The following NRF1 variants were observed in gnomAD, a reference collection of about 807,000 sequenced individuals.
NRF1 encodes nuclear respiratory factor 1.
In NRF1, 5 loss-of-function variants were observed where a neutral mutation model predicts 58.5. That is an observed-to-expected ratio of 0.09 (90% CI 0.04 to 0.18). The LOEUF (loss-of-function observed/expected upper bound fraction) is 0.18. Among genes scored for constraint, NRF1 ranks in the 10% least tolerant of loss-of-function variants. The pLI is 1.00. For missense variants in NRF1, 288 were observed against 657.7 expected (o/e 0.44, Z 6.15); for synonymous variants, 224 against 246.7 (o/e 0.91, Z 0.86).
intron 1 of NRF1, among the ~76,000 whole-genome samples, chr7:129,647,155 A>G (rs540414786): frequency 6.6e-6 from 1 of 151,922 alleles, no homozygotes; most frequent in South Asian, 2.1e-4. Context: ...CTCCTGCCTC[A>G]GTCTCCAGAG....
intron 4 of NRF1, 92 bp downstream of exon 4, chr7:129,677,850 T>G (rs1465223500): frequency 1.4e-6 from 2 of 1,478,662 alleles, no homozygotes; most frequent in Non-Finnish European, 1.9e-6. Flanking sequence ...ACAGTTGGCA[T>G]TTCTGTTACC....
At chr7:129,713,454 AC>A (rs1584664894) in intron 8 of NRF1, among the ~76,000 whole-genome samples, 1 of 152,306 alleles carries the variant, frequency 6.6e-6, no homozygotes, top group East Asian at 1.9e-4. Flanking sequence ...AATATATGTA[AC>A]AGTTTTGAAT....
intron 2 of NRF1, among the ~76,000 whole-genome samples, chr7:129,667,831 C>T (rs1801957128): frequency 1.3e-5 from 2 of 151,688 alleles, no homozygotes; most frequent in Admixed American, 1.3e-4. Flanking sequence ...TGCAGTGATG[C>T]AATCATAGTT....
chr7:129,696,300 GT>G (rs1446353297), intron 5 of NRF1, among the ~76,000 whole-genome samples: 2 of 152,090 alleles, frequency 1.3e-5, no homozygotes, highest in Non-Finnish European at 2.9e-5. Flanking sequence ...TTTCTGCTTT[GT>G]TTTACGCAAA....
chr7:129,739,554 A>AAAAT (rs1261614217), intron 10 of NRF1, among the ~76,000 whole-genome samples: 2 of 152,022 alleles, frequency 1.3e-5, no homozygotes, highest in Non-Finnish European at 2.9e-5. Context: ...AAAAAAAAAA[A>AAAAT]AAATCTACCC....
At chr7:129,682,441 G>C (rs1452039354) in intron 4 of NRF1, among the ~76,000 whole-genome samples, 1 of 151,010 alleles carries the variant, frequency 6.6e-6, no homozygotes, top group African/African-American at 2.4e-5. Context: ...CTGGATGACA[G>C]AGCAAGACCC....
At chr7:129,726,193 G>C (rs1019833222) in intron 9 of NRF1, among the ~76,000 whole-genome samples, 4 of 152,140 alleles carry the variant, frequency 2.6e-5, no homozygotes, top group African/African-American at 9.7e-5. Flanking sequence ...ACTGGAATTC[G>C]ATAGTCCCTC....
chr7:129,684,081 G>A (rs1043113303), intron 4 of NRF1, among the ~76,000 whole-genome samples: 57 of 151,876 alleles, frequency 3.8e-4, no homozygotes, highest in African/African-American at 1.3e-3. Flanking sequence ...GAGAAAGTTG[G>A]AAAAGAAAGA....
intron 10 of NRF1, among the ~76,000 whole-genome samples, chr7:129,736,518 G>C (rs1318508848): frequency 2.0e-5 from 3 of 151,894 alleles, no homozygotes; most frequent in African/African-American, 7.3e-5. Flanking sequence ...AAAGTGCTGG[G>C]ATTTCAGGCA....
intron 10 of NRF1, among the ~76,000 whole-genome samples, chr7:129,748,320 C>A (rs1315271723): frequency 1.4e-5 from 2 of 146,616 alleles, no homozygotes; most frequent in Admixed American, 1.4e-4. Flanking sequence ...ACAATGCAAG[C>A]ATGCAGATTT....
At chr7:129,676,985 T>C (rs543943730) in intron 3 of NRF1, among the ~76,000 whole-genome samples, 1 of 149,922 alleles carries the variant, frequency 6.7e-6, no homozygotes, top group Non-Finnish European at 1.5e-5. Flanking sequence ...TAATAAATTC[T>C]GTAAGAGCAC....
intron 1 of NRF1, among the ~76,000 whole-genome samples, chr7:129,613,019 G>T (rs1800573618): frequency 6.6e-6 from 1 of 152,168 alleles, no homozygotes; most frequent in Non-Finnish European, 1.5e-5. Context: ...GGTGTCAATC[G>T]TGCTGATTTC....
chr7:129,727,383 T>C lies in NRF1; in HGVS notation c.1348+18T>C, dbSNP rs367747269. On this transcript the variant is annotated intron_variant, in intron 10 of 10. Transcript: ENST00000393232. ...TGCTAATGGTAAGAGAGCATAAATA[T>C]TTTATTAAATTTCTTCCCTGTTTCC... 5.1e-6 allele frequency: 8 copies of C among 1,567,386 alleles called. No individual in the cohort carries two copies. Among genetic ancestry groups the C allele is most frequent in the African/African-American group, 1.4e-5 (1 of 71,982 alleles).
chr7:129,653,644 C>G (rs1325903131), intron 1 of NRF1, among the ~76,000 whole-genome samples: 1 of 152,190 alleles, frequency 6.6e-6, no homozygotes, highest in Non-Finnish European at 1.5e-5. Context: ...TCATCCCTCC[C>G]TTCCCCCAAT....
chr7:129,692,490 C>G (rs1478717169), intron 5 of NRF1, among the ~76,000 whole-genome samples: 1 of 152,064 alleles, frequency 6.6e-6, no homozygotes, highest in African/African-American at 2.4e-5. Context: ...GAGGTTGAGG[C>G]TGCAGTGAGC....
chr7:129,634,055 T>C (rs201743414), intron 1 of NRF1, among the ~76,000 whole-genome samples: 3 of 120,064 alleles, frequency 2.5e-5, no homozygotes, highest in African/African-American at 9.8e-5. Flanking sequence ...TATATATATA[T>C]ATATATACAC....
chr7:129,621,499 T>A (rs1487539432), intron 1 of NRF1, among the ~76,000 whole-genome samples: 2 of 152,200 alleles, frequency 1.3e-5, no homozygotes, highest in Non-Finnish European at 2.9e-5. Context: ...TTTTGGTTCT[T>A]TCTTTCATTA....
intron 1 of NRF1, among the ~76,000 whole-genome samples, chr7:129,613,525 AG>A (rs200112172): frequency 6.6e-6 from 1 of 152,024 alleles, no homozygotes; most frequent in Admixed American, 6.6e-5. Flanking sequence ...TTTTGTGTCA[AG>A]GGGTTTTTTT....
chr7:129,700,423 G>C (rs1802794035), intron 5 of NRF1, among the ~76,000 whole-genome samples: 1 of 152,174 alleles, frequency 6.6e-6, no homozygotes, highest in Non-Finnish European at 1.5e-5. Flanking sequence ...CTAGGCATCT[G>C]CAATGTTTAA....
Sources: allele counts gnomAD v4.1 joint callset (sites outside exome capture counted in the v4.1 genomes callset), GRCh38; gene constraint gnomAD v4.1.1; transcripts MANE v1.5; gene names NCBI Gene and HGNC (gene_info 2026-07-23, HGNC 2026-07-21).